Variants in CYP19A1 observed in about 807,000 individuals in gnomAD.
CYP19A1 encodes the protein aromatase.
A neutral mutation model predicts 44.4 loss-of-function variants in CYP19A1; 32 were observed. The observed-to-expected ratio is 0.72, with a 90% CI of 0.54 to 0.97. CYP19A1 has a LOEUF of 0.97. Ranked by LOEUF, CYP19A1 falls within the 50% of genes least tolerant of loss-of-function variation. CYP19A1 has a pLI of 0.00. For missense variants in CYP19A1, 598 were observed against 637.8 expected (o/e 0.94, Z 0.67); for synonymous variants, 212 against 215.6 (o/e 0.98, Z 0.14).
At chr15:51,232,458 C>T (rs529298479) in intron 3 of CYP19A1, among the ~76,000 whole-genome samples, 3 of 152,296 alleles carry the variant, frequency 2.0e-5, no homozygotes, top group African/African-American at 7.2e-5. Flanking sequence ...GACCTATTTA[C>T]ACTAGAGGGT....
chr15:51,241,182 GGGCTGCT>G (rs2141118928), intron 2 of CYP19A1, among the ~76,000 whole-genome samples: 1 of 152,336 alleles, frequency 6.6e-6, no homozygotes, highest in East Asian at 1.9e-4. Context: ...CAGAGCTTCA[GGGCTGCT>G]GGTTCTCAGG....
chr15:51,273,392 CAGTT>C (rs2035198292), intron 1 of CYP19A1, among the ~76,000 whole-genome samples: 1 of 152,172 alleles, frequency 6.6e-6, no homozygotes, highest in African/African-American at 2.4e-5. Flanking sequence ...TCCAGGGAAG[CAGTT>C]AGTTAAATCA....
chr15:51,234,847 A>T (rs1308039733), intron 3 of CYP19A1, among the ~76,000 whole-genome samples: 2 of 152,084 alleles, frequency 1.3e-5, no homozygotes, highest in Non-Finnish European at 2.9e-5. Flanking sequence ...GGGCTTTGAA[A>T]AGCTCCCTGG....
intron 1 of CYP19A1, among the ~76,000 whole-genome samples, chr15:51,288,829 C>T (rs2035772231): frequency 6.6e-6 from 1 of 152,162 alleles, no homozygotes; most frequent in Non-Finnish European, 1.5e-5. Context: ...GTGCCCTTTG[C>T]CCTCCCAGCC....
intron 1 of CYP19A1, among the ~76,000 whole-genome samples, chr15:51,293,106 T>G (rs1433950420): frequency 6.6e-6 from 1 of 151,896 alleles, no homozygotes; most frequent in Admixed American, 6.6e-5. Context: ...CTTTGGGGAT[T>G]TGGGGGAAAG....
intron 1 of CYP19A1, among the ~76,000 whole-genome samples, chr15:51,304,890 C>CATTTTTTTTTTTT (rs1555398466): frequency 9.6e-6 from 1 of 104,572 alleles, no homozygotes. Context: ...GTGTCTCTTC[C>CATTTTTTTTTTTT]TTTTTTTTTT....
chr15:51,264,750 C>T (rs528104235), intron 1 of CYP19A1, among the ~76,000 whole-genome samples: 18 of 152,230 alleles, frequency 1.2e-4, no homozygotes, highest in African/African-American at 3.9e-4. Context: ...GTAGCAGTCC[C>T]TTGGTTACAG....
chr15:51,238,589 A>G (rs1021314151), intron 2 of CYP19A1, among the ~76,000 whole-genome samples: 4 of 152,136 alleles, frequency 2.6e-5, no homozygotes, highest in African/African-American at 9.7e-5. Context: ...CCCGGGTTCA[A>G]GCGATTCTTT....
At chr15:51,238,720 T>C (rs1320001903) in intron 2 of CYP19A1, among the ~76,000 whole-genome samples, 1 of 152,172 alleles carries the variant, frequency 6.6e-6, no homozygotes, top group Non-Finnish European at 1.5e-5. Context: ...AGGAGAGATA[T>C]ATCTACTGAA....
At chr15:51,245,880 A>G (rs1469578388) in intron 1 of CYP19A1, among the ~76,000 whole-genome samples, 1 of 152,218 alleles carries the variant, frequency 6.6e-6, no homozygotes, top group Admixed American at 6.5e-5. Context: ...CACCCAGCTC[A>G]TATGTGACAG....
chr15:51,224,904 G>A (rs974425576), intron 4 of CYP19A1, among the ~76,000 whole-genome samples: 1 of 152,140 alleles, frequency 6.6e-6, no homozygotes, highest in Non-Finnish European at 1.5e-5. Context: ...CTATCTATTT[G>A]TCTGTGCCTT....
At chr15:51,275,032 T>C (rs1053250346) in intron 1 of CYP19A1, among the ~76,000 whole-genome samples, 4 of 152,214 alleles carry the variant, frequency 2.6e-5, no homozygotes, top group African/African-American at 9.6e-5. Flanking sequence ...CATTCTGGAT[T>C]TGGCTTCCGC....
chr15:51,231,173 A>G (rs964982273), intron 3 of CYP19A1, among the ~76,000 whole-genome samples: 2 of 152,248 alleles, frequency 1.3e-5, no homozygotes, highest in African/African-American at 2.4e-5. Flanking sequence ...AGTTCCTAGT[A>G]CTACTGAAGT....
intron 1 of CYP19A1, among the ~76,000 whole-genome samples, chr15:51,297,896 G>A (rs1303647074): frequency 6.8e-6 from 1 of 146,698 alleles, no homozygotes; most frequent in African/African-American, 2.5e-5. Context: ...GCCTAACACA[G>A]TAACCTTACA....
chr15:51,296,572 G>A (rs1177756365), intron 1 of CYP19A1, among the ~76,000 whole-genome samples: 1 of 152,068 alleles, frequency 6.6e-6, no homozygotes, highest in African/African-American at 2.4e-5. Context: ...CAGAAAATGA[G>A]GTACATTTTT....
intron 1 of CYP19A1, among the ~76,000 whole-genome samples, chr15:51,315,234 A>G (rs1321439725): frequency 6.6e-6 from 1 of 152,138 alleles, no homozygotes; most frequent in Non-Finnish European, 1.5e-5. Context: ...GGCCTGCTGC[A>G]GTCCGGTCAG....
chr15:51,217,531 C>T (rs190932391), intron 6 of CYP19A1, among the ~76,000 whole-genome samples: 1 of 152,316 alleles, frequency 6.6e-6, no homozygotes, highest in East Asian at 1.9e-4. Flanking sequence ...AACAAAACAA[C>T]ATCAAGTCGG....
intron 1 of CYP19A1, among the ~76,000 whole-genome samples, chr15:51,326,172 A>G (rs2470146): frequency 0.048 from 7,330 of 152,206 alleles, 219 homozygotes; most frequent in Non-Finnish European, 0.065. Flanking sequence ...GTCCTCCCCA[A>G]ATGTTCCCAG....
At position 51,218,669 on chromosome 15, in the gene CYP19A1, A is replaced by C; in HGVS notation, c.629-14T>G. Reference sequence around the variant, plus strand: ...CGATAGCACTTTCTGTAGGAAAAAAAAACACACATACACAAGAAAGAGCAG... The same window carrying C: ...CGATAGCACTTTCTGTAGGAAAAAACAACACACATACACAAGAAAGAGCAG... On this transcript the variant is annotated splice_polypyrimidine_tract_variant and intron_variant, in intron 5 of 9. Transcript: ENST00000396402. The C allele has an allele frequency of 6.2e-7, 1 of 1,606,880 alleles. No individual in the cohort carries two copies. The highest frequency in any genetic ancestry group is 8.5e-7 in the Non-Finnish European group (1 of 1,176,074).
Sources: gnomAD v4.1 joint callset for allele counts (sites outside exome capture counted in the v4.1 genomes callset) on GRCh38, gnomAD v4.1.1 for gene constraint, MANE v1.5 for transcripts, NCBI Gene and HGNC (gene_info 2026-07-23, HGNC 2026-07-21) for gene names.